The following DOCK4 variants were observed in gnomAD, a reference collection of about 807,000 sequenced individuals.
DOCK4 encodes dedicator of cytokinesis 4.
DOCK4 carries 97 observed loss-of-function variants against 268.1 expected under a neutral mutation model. The ratio of observed to expected loss-of-function variants is 0.36; its 90% confidence interval spans 0.31 to 0.43. The LOEUF (loss-of-function observed/expected upper bound fraction) is 0.43. Ranked by LOEUF, DOCK4 falls within the 20% of genes least tolerant of loss-of-function variation. The pLI is 1.00. For synonymous variants in DOCK4, 954 were observed against 887.2 expected (o/e 1.08, Z -1.34); for missense variants, 2,145 against 2,455.7 (o/e 0.87, Z 2.67).
chr7:111,864,796 A>C (rs922583216), intron 22 of DOCK4, among the ~76,000 whole-genome samples: 10 of 152,210 alleles, frequency 6.6e-5, no homozygotes, highest in African/African-American at 2.4e-4. Context: ...GAGCTGAGTC[A>C]TACTGATGAA....
chr7:111,959,327 C>G (rs956224632), intron 8 of DOCK4, among the ~76,000 whole-genome samples: 9 of 152,138 alleles, frequency 5.9e-5, no homozygotes, highest in African/African-American at 2.2e-4. Flanking sequence ...CAGACATTTT[C>G]CCTACATTAC....
chr7:112,073,234 T>C (rs1807762650), intron 1 of DOCK4, among the ~76,000 whole-genome samples: 2 of 152,064 alleles, frequency 1.3e-5, no homozygotes, highest in African/African-American at 4.8e-5. Context: ...GAGCCAAGAA[T>C]TGAGGTTGCT....
At chr7:112,174,212 G>C (rs1342662944) in intron 1 of DOCK4, among the ~76,000 whole-genome samples, 1 of 152,100 alleles carries the variant, frequency 6.6e-6, no homozygotes, top group Admixed American at 6.5e-5. Context: ...TACACAACCT[G>C]AGGTAGCTCC....
chr7:111,895,480 A>T, intron 16 of DOCK4, 132 bp downstream of exon 16: 2 of 802,786 alleles, frequency 2.5e-6, no homozygotes, highest in East Asian at 4.9e-5. Flanking sequence ...TGAAAAAGAC[A>T]TTCTCCCTGA....
Position 111,728,561 on chromosome 7 carries a change from G to C in DOCK4, c.5641C>G (p.Gln1881Glu). 6.2e-7 allele frequency: 1 copy of C among 1,613,994 alleles called. No homozygotes were observed. Residue 1881 changes from glutamine to glutamate, a missense_variant, in exon 53 of 53, where the codon CAG becomes GAG. Gln to Glu is a conservative substitution (Grantham distance 29). Coordinates refer to ENST00000428084, the MANE Select transcript of DOCK4 (RefSeq NM_001363540.2). ...ACTGGCACCGGCAGGGGGGCCGACT[G>C]TTCATTCACCTGATTTTCAAAGCCT... is the stretch of plus-strand genomic sequence containing the variant. ...TSGFENQVNEQSAPLPVPVPV... is the reference protein window; with the variant it reads ...TSGFENQVNEESAPLPVPVPV...
At chr7:112,074,320 G>A (rs986627605) in intron 1 of DOCK4, among the ~76,000 whole-genome samples, 9 of 152,102 alleles carry the variant, frequency 5.9e-5, no homozygotes, top group Non-Finnish European at 1.2e-4. Context: ...GTTATAAAAT[G>A]ATTTAGATTT....
chr7:111,956,332 G>C (rs527731346), intron 8 of DOCK4, among the ~76,000 whole-genome samples: 5 of 152,074 alleles, frequency 3.3e-5, no homozygotes, highest in African/African-American at 1.2e-4. Flanking sequence ...AATAAACACA[G>C]AATAAGTATA....
At chr7:111,753,144 T>G (rs560008905) in intron 42 of DOCK4, among the ~76,000 whole-genome samples, 4 of 152,026 alleles carry the variant, frequency 2.6e-5, no homozygotes, top group Non-Finnish European at 5.9e-5. Context: ...ATGTAACCCC[T>G]AGCAGGATCT....
At chr7:112,160,392 A>C (rs1586946378) in intron 1 of DOCK4, among the ~76,000 whole-genome samples, 1 of 152,350 alleles carries the variant, frequency 6.6e-6, no homozygotes, top group East Asian at 1.9e-4. Flanking sequence ...AGATCTTAAC[A>C]GTATTAAAAT....
chr7:111,857,770 G>A (rs1476517), intron 23 of DOCK4, among the ~76,000 whole-genome samples: 48,459 of 151,932 alleles, frequency 0.32, 7,803 homozygotes, highest in East Asian at 0.35. Flanking sequence ...TCTGCTACCC[G>A]CTACACTTCC....
intron 30 of DOCK4, among the ~76,000 whole-genome samples, chr7:111,805,653 T>C (rs1390502318): frequency 6.6e-6 from 1 of 152,168 alleles, no homozygotes; most frequent in Non-Finnish European, 1.5e-5. Context: ...ATTACATGTG[T>C]CTTTCCCCTC....
At chr7:112,183,101 G>A (rs1386223727) in intron 1 of DOCK4, among the ~76,000 whole-genome samples, 1 of 152,194 alleles carries the variant, frequency 6.6e-6, no homozygotes, top group African/African-American at 2.4e-5. Context: ...AAATCAGAAG[G>A]CAGCCTCTCT....
intron 38 of DOCK4, among the ~76,000 whole-genome samples, chr7:111,766,639 C>T (rs890140197): frequency 6.6e-6 from 1 of 152,020 alleles, no homozygotes; most frequent in Non-Finnish European, 1.5e-5. Context: ...AGAATTTGGC[C>T]CTAAATTATT....
At chr7:111,769,405 A>G in intron 37 of DOCK4, 124 bp downstream of exon 37, 1 of 1,220,604 alleles carries the variant, frequency 8.2e-7, no homozygotes, top group Admixed American at 2.2e-5. Flanking sequence ...GGTGTTTCTA[A>G]TATACATTAA....
intron 1 of DOCK4, among the ~76,000 whole-genome samples, chr7:112,022,776 A>G (rs910211816): frequency 6.6e-6 from 1 of 152,202 alleles, no homozygotes; most frequent in African/African-American, 2.4e-5. Flanking sequence ...AGTTAGCATC[A>G]GTAAATGTTT....
intron 7 of DOCK4, among the ~76,000 whole-genome samples, chr7:111,978,332 A>C (rs1244928858): frequency 2.0e-5 from 3 of 152,186 alleles, no homozygotes; most frequent in Non-Finnish European, 4.4e-5. Flanking sequence ...CCCAGGCTCA[A>C]GCGATCCTCC....
chr7:111,812,190 C>T (rs149205631), intron 27 of DOCK4, among the ~76,000 whole-genome samples: 1,715 of 152,298 alleles, frequency 0.011, 18 homozygotes, highest in Non-Finnish European at 0.019. Context: ...TCATATGGCT[C>T]AGACAGAAAT....
chr7:111,910,463 C>T (rs1454866491), intron 13 of DOCK4, among the ~76,000 whole-genome samples: 1 of 152,208 alleles, frequency 6.6e-6, no homozygotes, highest in African/African-American at 2.4e-5. Flanking sequence ...CGATACTTGC[C>T]AGCTTTCAAA....
chr7:111,901,845 G>C, intron 13 of DOCK4, 44 bp from the exon 14 acceptor site: 1 of 1,419,320 alleles, frequency 7.0e-7, no homozygotes, highest in Non-Finnish European at 9.7e-7. Context: ...TATATATGAG[G>C]AAATGTAATA....
Sources: allele counts gnomAD v4.1 joint callset (sites outside exome capture counted in the v4.1 genomes callset), GRCh38; gene constraint gnomAD v4.1.1; transcripts MANE v1.5; gene names NCBI Gene and HGNC (gene_info 2026-07-23, HGNC 2026-07-21).